Variants in RPH3A observed in about 807,000 individuals in gnomAD.
RPH3A encodes rabphilin 3A, also known as rabphilin-3A.
In RPH3A, 48 loss-of-function variants were observed where a neutral mutation model predicts 102.2. The ratio of observed to expected loss-of-function variants is 0.47; its 90% CI spans 0.37 to 0.60. The LOEUF is 0.60. Among genes scored for constraint, RPH3A ranks in the 20% least tolerant of loss-of-function variants. The pLI is 0.00. For missense variants in RPH3A, 781 were observed against 910.1 expected, an observed-to-expected ratio of 0.86 and a Z score of 1.83; for synonymous variants, 310 against 324.3, an observed-to-expected ratio of 0.96 and a Z score of 0.47.
At chr12:112,609,909 A>C (rs1206069343) in intron 1 of RPH3A, among the ~76,000 whole-genome samples, 2 of 152,208 alleles carry the variant, frequency 1.3e-5, no homozygotes, top group Non-Finnish European at 2.9e-5. Context: ...GCATGCCTTG[A>C]ACCACTGGAA....
intron 1 of RPH3A, among the ~76,000 whole-genome samples, chr12:112,599,216 T>G (rs1319026081): frequency 2.6e-5 from 4 of 152,222 alleles, no homozygotes; most frequent in Non-Finnish European, 5.9e-5. Flanking sequence ...AGATGGCAGC[T>G]GGTTTATCCA....
intron 1 of RPH3A, among the ~76,000 whole-genome samples, chr12:112,716,296 T>C (rs941895077): frequency 6.6e-6 from 1 of 152,196 alleles, no homozygotes; most frequent in Non-Finnish European, 1.5e-5. Context: ...CTACACAAGA[T>C]GGAGTCACTC....
intron 1 of RPH3A, among the ~76,000 whole-genome samples, chr12:112,615,326 AC>A (rs1333314387): frequency 1.3e-5 from 2 of 152,004 alleles, no homozygotes; most frequent in Admixed American, 6.6e-5. Flanking sequence ...CATCTGGTGA[AC>A]CCTGGCACCA....
chr12:112,742,550 G>T (rs2040716644), intron 1 of RPH3A, among the ~76,000 whole-genome samples: 1 of 152,196 alleles, frequency 6.6e-6, no homozygotes, highest in Admixed American at 6.5e-5. Context: ...CTCAGACTGG[G>T]TTATTTGAGG....
intron 2 of RPH3A, among the ~76,000 whole-genome samples, chr12:112,807,646 A>T (rs1230118022): frequency 1.3e-5 from 2 of 152,194 alleles, no homozygotes; most frequent in African/African-American, 2.4e-5. Context: ...TGCTTGGACC[A>T]AAGCTTGGCA....
chr12:112,603,994 A>G (rs916622103), intron 1 of RPH3A, among the ~76,000 whole-genome samples: 2 of 152,230 alleles, frequency 1.3e-5, no homozygotes, highest in African/African-American at 4.8e-5. Context: ...TTCTCTTGGC[A>G]ATTGCTGGCC....
At chr12:112,790,066 T>C (rs895720751), upstream of RPH3A, among the ~76,000 whole-genome samples, 1 of 151,952 alleles carries the variant, frequency 6.6e-6, no homozygotes. Flanking sequence ...CTTTTTCTTT[T>C]TTTTTTTGAG....
chr12:112,720,686 C>G (rs2040544561), intron 1 of RPH3A, among the ~76,000 whole-genome samples: 1 of 152,146 alleles, frequency 6.6e-6, no homozygotes, highest in Non-Finnish European at 1.5e-5. Context: ...AAGGCATGTT[C>G]TTTTCTTGGT....
chr12:112,667,246 C>G (rs2040089343), intron 1 of RPH3A, among the ~76,000 whole-genome samples: 1 of 152,216 alleles, frequency 6.6e-6, no homozygotes, highest in Admixed American at 6.5e-5. Flanking sequence ...ATACATATCT[C>G]TAGCCCCAAC....
intron 1 of RPH3A, among the ~76,000 whole-genome samples, chr12:112,745,900 C>T (rs2040742154): frequency 6.6e-6 from 1 of 152,114 alleles, no homozygotes; most frequent in South Asian, 2.1e-4. Context: ...ATGTCAGTCT[C>T]TCTCCTTCCT....
intron 1 of RPH3A, among the ~76,000 whole-genome samples, chr12:112,685,995 A>G (rs1368082038): frequency 6.6e-6 from 1 of 152,124 alleles, no homozygotes; most frequent in Admixed American, 6.5e-5. Flanking sequence ...TCTCCTGTTC[A>G]TGTTCTGAGA....
chr12:112,611,837 A>G (rs1019872670), intron 1 of RPH3A, among the ~76,000 whole-genome samples: 2 of 152,164 alleles, frequency 1.3e-5, no homozygotes, highest in African/African-American at 4.8e-5. Context: ...AAGAAAAAAA[A>G]AAAGGGAAAA....
chr12:112,644,596 A>G lies in RPH3A; in HGVS notation c.-140+69277A>G, dbSNP rs80190442. 7.7e-3 allele frequency among the ~76,000 whole-genome samples: 1,169 copies of G among 152,382 alleles called. 11 individuals carry two copies. The highest frequency in any genetic ancestry group is 0.027 in the African/African-American group (1,111 of 41,590). On this transcript the variant is annotated intron_variant, in intron 1 of 21. Coordinates refer to the RPH3A transcript ENST00000543106. ...TGGTACAACACCATCCATCTCTGCT[A>G]CAGTGGCTGAGAAACATTTATTGAG...
intron 2 of RPH3A, among the ~76,000 whole-genome samples, chr12:112,803,155 G>T (rs11611221): frequency 5.9e-5 from 9 of 152,154 alleles, no homozygotes; most frequent in Non-Finnish European, 1.3e-4. Context: ...AAGTGTGAGG[G>T]CAGCCCCAGG....
chr12:112,810,868 T>A (rs2041560104), intron 2 of RPH3A, among the ~76,000 whole-genome samples: 1 of 152,176 alleles, frequency 6.6e-6, no homozygotes, highest in African/African-American at 2.4e-5. Flanking sequence ...AATCTAGTAC[T>A]GCATACATTT....
chr12:112,890,010 TTTC>T lies in RPH3A; in HGVS notation c.1564-8_1564-6del, dbSNP rs1361631926. ...ATAGACAATGTTATCTTTTATTTGT[TTTC>T]TTCTTTTAAGATGAAACGTGCTGGG... On this transcript the variant is annotated splice_polypyrimidine_tract_variant and intron_variant, in intron 17 of 21. Transcript: ENST00000389385. The T allele has an allele frequency of 6.2e-7, 1 of 1,612,906 alleles. No individual in the cohort carries two copies. The highest frequency in any genetic ancestry group is 8.5e-7 in the Non-Finnish European group (1 of 1,179,520).
At chr12:112,752,594 CTTTTTT>C (rs35742758) in intron 1 of RPH3A, among the ~76,000 whole-genome samples, 1 of 124,960 alleles carries the variant, frequency 8.0e-6, no homozygotes, top group Non-Finnish European at 1.7e-5. Context: ...GCAGGCAAGT[CTTTTTT>C]TTTTTTTTTT....
intron 2 of RPH3A, among the ~76,000 whole-genome samples, chr12:112,797,113 TG>T (rs1330891170): frequency 2.6e-5 from 4 of 152,076 alleles, no homozygotes; most frequent in African/African-American, 9.7e-5. Flanking sequence ...TGATCTTTGG[TG>T]GGGGGCTGTG....
chr12:112,744,456 G>C (rs1287503175), intron 1 of RPH3A, among the ~76,000 whole-genome samples: 1 of 152,180 alleles, frequency 6.6e-6, no homozygotes, highest in Non-Finnish European at 1.5e-5. Flanking sequence ...TTAAAATCCT[G>C]CTTCTTTTCA....
Sources: allele counts gnomAD v4.1 joint callset (sites outside exome capture counted in the v4.1 genomes callset), GRCh38; gene constraint gnomAD v4.1.1; transcripts MANE v1.5; gene names NCBI Gene and HGNC (gene_info 2026-07-23, HGNC 2026-07-21).